NOSTRIN: variants seen among roughly 807,000 people sequenced by gnomAD.
NOSTRIN encodes the protein BM247 homolog.
A neutral mutation model predicts 59.0 loss-of-function variants in NOSTRIN; 63 were observed. The observed-to-expected ratio is 1.07, with a 90% confidence interval of 0.87 to 1.32. The LOEUF is 1.32. NOSTRIN is among the 40% of genes most tolerant of loss of function. The pLI, the probability that NOSTRIN is intolerant of heterozygous loss-of-function variation, is 0.00. For synonymous variants in NOSTRIN, 200 were observed against 165.4 expected, an observed-to-expected ratio of 1.21 and a Z score of -1.61; for missense variants, 512 against 473.1, an observed-to-expected ratio of 1.08 and a Z score of -0.76.
chr2:168,816,056 T>C (rs1686379440), intron 2 of NOSTRIN, among the ~76,000 whole-genome samples: 1 of 152,216 alleles, frequency 6.6e-6, no homozygotes, highest in Admixed American at 6.5e-5. Flanking sequence ...TCTTAAACTA[T>C]TCTGCCTAGA....
At chr2:168,811,724 A>T in intron 2 of NOSTRIN, 72 bp downstream of exon 2, 2 of 649,282 alleles carry the variant, frequency 3.1e-6, no homozygotes, top group Non-Finnish European at 5.4e-6. Flanking sequence ...TGGAGGAGTG[A>T]TTACAAGCTG....
upstream of NOSTRIN, among the ~76,000 whole-genome samples, chr2:168,799,027 T>C (rs1406588149): frequency 1.3e-5 from 2 of 152,196 alleles, no homozygotes; most frequent in Non-Finnish European, 2.9e-5. Context: ...TCATCTGCTA[T>C]CTTTATGGTC....
At chr2:168,805,884 G>A (rs904265205) in intron 1 of NOSTRIN, among the ~76,000 whole-genome samples, 5 of 152,208 alleles carry the variant, frequency 3.3e-5, no homozygotes, top group African/African-American at 1.2e-4. Flanking sequence ...GCTGCATATG[G>A]CATGGGTGTC....
chr2:168,831,667 C>T (rs1235004712), intron 6 of NOSTRIN, 133 bp downstream of exon 6: 2 of 617,788 alleles, frequency 3.2e-6, no homozygotes, highest in Non-Finnish European at 6.0e-6. Context: ...TGTTTCCTTA[C>T]CTGGTTGTTA....
chr2:168,862,382 C>T (rs1689516495), intron 15 of NOSTRIN, among the ~76,000 whole-genome samples: 1 of 151,550 alleles, frequency 6.6e-6, no homozygotes, highest in Admixed American at 6.6e-5. Context: ...CAGGCTGTGG[C>T]AACACAAGAT....
intron 2 of NOSTRIN, among the ~76,000 whole-genome samples, chr2:168,824,167 T>C (rs1686920431): frequency 6.6e-6 from 1 of 152,224 alleles, no homozygotes; most frequent in South Asian, 2.1e-4. Flanking sequence ...GACAAAAGGA[T>C]CCTTGTAGTA....
intron 1 of NOSTRIN, among the ~76,000 whole-genome samples, chr2:168,807,327 T>A (rs530517649): frequency 3.3e-4 from 50 of 152,180 alleles, no homozygotes; most frequent in Non-Finnish European, 6.2e-4. Context: ...GCTGTAGCAT[T>A]TAAGTGGGTC....
At chr2:168,795,907 A>AC (rs1487328749), upstream of NOSTRIN, among the ~76,000 whole-genome samples, 1 of 152,234 alleles carries the variant, frequency 6.6e-6, no homozygotes, top group African/African-American at 2.4e-5. Context: ...TAAGTTGGAT[A>AC]GTTTTTTTTC....
intron 15 of NOSTRIN, among the ~76,000 whole-genome samples, chr2:168,863,102 G>T (rs1689575061): frequency 6.6e-6 from 1 of 152,028 alleles, no homozygotes; most frequent in African/African-American, 2.4e-5. Flanking sequence ...ACAATAAATT[G>T]ATTATCTTGT....
intron 7 of NOSTRIN, among the ~76,000 whole-genome samples, chr2:168,834,541 A>ACACACACACACCCC (rs58702721): frequency 7.1e-5 from 10 of 140,358 alleles, no homozygotes; most frequent in Non-Finnish European, 1.1e-4. Flanking sequence ...ACACACACAC[A>ACACACACACACCCC]CCACATACAT....
intron 2 of NOSTRIN, among the ~76,000 whole-genome samples, chr2:168,819,958 C>T (rs1460136155): frequency 6.6e-6 from 1 of 152,182 alleles, no homozygotes; most frequent in Non-Finnish European, 1.5e-5. Context: ...TGGAACAGGC[C>T]TGGAAGCTCG....
rs576596568 is a variant in NOSTRIN at position 168,856,585 on chromosome 2, AT to A, written c.965-104del. ...GCAAGACTCCGTCTTAAAAAAAAAA[AT>A]CTCACTGGTATCACTTCTAGGCTCC... On this transcript the variant is annotated intron_variant, in intron 11 of 15. Coordinates refer to ENST00000317647, the MANE Select transcript of NOSTRIN (RefSeq NM_001039724.4). 7.0e-3 allele frequency: 6,851 copies of A among 975,530 alleles called. 45 individuals are homozygous for A. The highest frequency in any genetic ancestry group is 7.3e-3 in the Non-Finnish European group (4,604 of 632,122). 60.4% of individuals were successfully genotyped at this position (975,530 alleles called of 1,614,324 possible).
At chr2:168,849,884 C>G (rs1395763993) in intron 8 of NOSTRIN, among the ~76,000 whole-genome samples, 2 of 150,228 alleles carry the variant, frequency 1.3e-5, no homozygotes, top group East Asian at 3.9e-4. Context: ...GTCAGCAACT[C>G]AGTTGGCATG....
chr2:168,849,901 A>G (rs957672932), intron 8 of NOSTRIN, among the ~76,000 whole-genome samples: 1 of 139,360 alleles, frequency 7.2e-6, no homozygotes, highest in Non-Finnish European at 1.5e-5. Context: ...CATGGGTCCA[A>G]TAAGTAACAT....
intron 2 of NOSTRIN, among the ~76,000 whole-genome samples, chr2:168,821,568 C>T (rs1307942015): frequency 1.3e-5 from 2 of 152,176 alleles, no homozygotes; most frequent in Non-Finnish European, 2.9e-5. Flanking sequence ...GGGTGTTCAC[C>T]AGAGTAAACT....
Position 168,863,538 on chromosome 2 carries a change from C to G in NOSTRIN, c.1385-1296C>G, listed in dbSNP as rs974688986. The G allele has an allele frequency of 2.8e-5, 28 of 985,272 alleles. No homozygotes were observed. The Middle Eastern group carries it at 1.6e-3, about 55-fold the overall frequency. 61.0% of individuals were successfully genotyped at this position (985,272 alleles called of 1,614,324 possible). A position where few individuals can be genotyped will look rare whatever the true frequency, so the allele number is the denominator to read the frequency against. On this transcript the variant is annotated intron_variant, in intron 15 of 15. Coordinates refer to ENST00000317647, the MANE Select transcript of NOSTRIN (RefSeq NM_001039724.4). Reference sequence around the variant, plus strand: ...AGAGCCATGTTTCTTGTCCAATTCTCTATGGAATTCTCTTTATTTGAATCA... The same window carrying G: ...AGAGCCATGTTTCTTGTCCAATTCTGTATGGAATTCTCTTTATTTGAATCA...
intron 6 of NOSTRIN, among the ~76,000 whole-genome samples, chr2:168,833,153 A>G (rs147465946): frequency 1.3e-5 from 2 of 152,346 alleles, no homozygotes; most frequent in South Asian, 2.1e-4. Context: ...TTATTGGGCT[A>G]TAATAATTTT....
chr2:168,822,900 CA>C (rs1028379412), intron 2 of NOSTRIN, among the ~76,000 whole-genome samples: 1 of 152,152 alleles, frequency 6.6e-6, no homozygotes, highest in Admixed American at 6.5e-5. Flanking sequence ...TTGGTTAATC[CA>C]ATCATAATTT....
At chr2:168,790,450 T>C (rs1685319350) in intron 2 of NOSTRIN, among the ~76,000 whole-genome samples, 2 of 152,266 alleles carry the variant, frequency 1.3e-5, no homozygotes, top group Non-Finnish European at 2.9e-5. Context: ...CCATCAGTAA[T>C]GGGGCAAATG....
Sources: allele counts gnomAD v4.1 joint callset (sites outside exome capture counted in the v4.1 genomes callset), GRCh38; gene constraint gnomAD v4.1.1; transcripts MANE v1.5; gene names NCBI Gene and HGNC (gene_info 2026-07-23, HGNC 2026-07-21).